Variants in FHIP1A observed in about 807,000 individuals in gnomAD.
The protein encoded by FHIP1A is FHF complex subunit HOOK interacting protein 1A.
Under a neutral mutation model 88.6 loss-of-function variants are expected in FHIP1A, and 61 were observed. The observed-to-expected ratio is 0.69, with a 90% CI of 0.56 to 0.85. The LOEUF (loss-of-function observed/expected upper bound fraction) is 0.85. Among genes scored for constraint, FHIP1A ranks in the 40% least tolerant of loss-of-function variants. The pLI, the probability that FHIP1A is intolerant of heterozygous loss-of-function variation, is 0.00. For missense variants in FHIP1A, 1,154 were observed against 1,273.5 expected, an observed-to-expected ratio of 0.91 and a Z score of 1.43; for synonymous variants, 478 against 496.0, an observed-to-expected ratio of 0.96 and a Z score of 0.48.
intron 3 of FHIP1A, among the ~76,000 whole-genome samples, chr4:151,521,147 TA>T (rs1295108727): frequency 6.6e-6 from 1 of 152,208 alleles, no homozygotes; most frequent in Non-Finnish European, 1.5e-5. Context: ...TGTGTATAAA[TA>T]AAATTATACC....
chr4:151,606,128 A>G (rs1735064808), intron 7 of FHIP1A, among the ~76,000 whole-genome samples: 1 of 152,148 alleles, frequency 6.6e-6, no homozygotes, highest in African/African-American at 2.4e-5. Context: ...ACCATGATTT[A>G]ATTTCATTTC....
intron 3 of FHIP1A, among the ~76,000 whole-genome samples, chr4:151,504,661 G>A (rs985150875): frequency 3.9e-5 from 6 of 152,016 alleles, no homozygotes; most frequent in African/African-American, 1.2e-4. Flanking sequence ...TTGTTCTGTC[G>A]CCCAGGCAGA....
chr4:151,548,049 T>C (rs1732574775), intron 3 of FHIP1A, among the ~76,000 whole-genome samples: 1 of 151,882 alleles, frequency 6.6e-6, no homozygotes, highest in Admixed American at 6.6e-5. Context: ...AAGCTTGGAG[T>C]GGTTTAATGT....
intron 1 of FHIP1A, among the ~76,000 whole-genome samples, chr4:151,409,836 A>G (rs1207510555): frequency 6.6e-6 from 1 of 152,078 alleles, no homozygotes; most frequent in Non-Finnish European, 1.5e-5. Context: ...GGAAAAGGCA[A>G]AGAGATGTGG....
chr4:151,504,912 C>G (rs1237041305), intron 3 of FHIP1A, among the ~76,000 whole-genome samples: 1 of 152,152 alleles, frequency 6.6e-6, no homozygotes, highest in Non-Finnish European at 1.5e-5. Context: ...GCCGCCGCGC[C>G]CAGCCTGGGA....
intron 3 of FHIP1A, among the ~76,000 whole-genome samples, chr4:151,563,925 C>T (rs1050118132): frequency 7.9e-5 from 12 of 152,122 alleles, no homozygotes; most frequent in Admixed American, 7.9e-4. Flanking sequence ...CCCAGGAGTT[C>T]AAGGCTGCAG....
chr4:151,652,094 C>T (rs905292089), intron 11 of FHIP1A, among the ~76,000 whole-genome samples: 3 of 152,022 alleles, frequency 2.0e-5, no homozygotes, highest in African/African-American at 4.8e-5. Context: ...TTTAGAATGG[C>T]AGCTTTCTTA....
intron 7 of FHIP1A, among the ~76,000 whole-genome samples, chr4:151,613,775 G>A (rs1266033313): frequency 6.6e-6 from 1 of 152,154 alleles, no homozygotes; most frequent in East Asian, 1.9e-4. Context: ...AACTGGATCA[G>A]GATAGGGCAT....
At chr4:151,643,601 C>T (rs1736678027) in intron 9 of FHIP1A, among the ~76,000 whole-genome samples, 1 of 152,184 alleles carries the variant, frequency 6.6e-6, no homozygotes, top group South Asian at 2.1e-4. Context: ...TCCCCCTTCC[C>T]TTCCCAGCCT....
At chr4:151,446,348 C>T (rs532682810) in intron 1 of FHIP1A, among the ~76,000 whole-genome samples, 1 of 152,134 alleles carries the variant, frequency 6.6e-6, no homozygotes, top group African/African-American at 2.4e-5. Flanking sequence ...AAATTTTTGC[C>T]ATATCTTTCC....
At chr4:151,497,518 T>C (rs1385879549) in intron 3 of FHIP1A, among the ~76,000 whole-genome samples, 1 of 152,246 alleles carries the variant, frequency 6.6e-6, no homozygotes, top group East Asian at 1.9e-4. Flanking sequence ...TGGCCTCTTA[T>C]AGGAAAAGTT....
chr4:151,488,239 T>TG (rs1201775790), intron 3 of FHIP1A, among the ~76,000 whole-genome samples: 4 of 152,186 alleles, frequency 2.6e-5, no homozygotes, highest in Non-Finnish European at 5.9e-5. Context: ...TATTGTGTGA[T>TG]GCTGAGGTTT....
intron 1 of FHIP1A, among the ~76,000 whole-genome samples, chr4:151,444,375 AAG>A (rs1728516527): frequency 6.6e-6 from 1 of 152,206 alleles, no homozygotes; most frequent in African/African-American, 2.4e-5. Context: ...ATACATATAA[AAG>A]AATATACATA....
chr4:151,553,648 C>T (rs1432110992), intron 3 of FHIP1A, among the ~76,000 whole-genome samples: 3 of 152,120 alleles, frequency 2.0e-5, no homozygotes, highest in African/African-American at 7.2e-5. Flanking sequence ...GGCTGAAATG[C>T]GAAGTTTCTA....
At chr4:151,562,987 C>T (rs1052889646) in intron 3 of FHIP1A, among the ~76,000 whole-genome samples, 2 of 151,910 alleles carry the variant, frequency 1.3e-5, no homozygotes, top group Non-Finnish European at 2.9e-5. Flanking sequence ...TTTGCATCGT[C>T]AAATAAATAT....
chr4:151,606,053 T>G (rs1735061139), intron 7 of FHIP1A, among the ~76,000 whole-genome samples: 1 of 152,234 alleles, frequency 6.6e-6, no homozygotes, highest in African/African-American at 2.4e-5. Context: ...GGTGCTGAGT[T>G]TGCAGGAGGA....
intron 1 of FHIP1A, among the ~76,000 whole-genome samples, chr4:151,445,292 G>C (rs1728552736): frequency 1.3e-5 from 2 of 152,068 alleles, no homozygotes; most frequent in Non-Finnish European, 1.5e-5. Context: ...GGTGGAGTTT[G>C]GGATATGCCA....
chr4:151,486,626 G>T lies in FHIP1A; in HGVS notation c.-123+3978G>T, dbSNP rs1318458055. Among the ~76,000 whole-genome samples the T allele has an allele frequency of 3.9e-5, 6 of 152,046 alleles. No homozygotes were observed. The South Asian group carries it at 8.3e-4, about 21-fold the overall frequency. The stretch of plus-strand genomic sequence containing the variant: ...AAATTTATTTGTAAAATGCAGTTTG[G>T]ATTATTTTTTGCTGAAGTCAGATTA... On this transcript the variant is annotated intron_variant, in intron 3 of 13. Transcript: ENST00000435205.
chr4:151,630,060 T>A (rs140919562), intron 8 of FHIP1A, among the ~76,000 whole-genome samples, 191 bp downstream of exon 8: 93 of 152,276 alleles, frequency 6.1e-4, no homozygotes, highest in Middle Eastern at 3.4e-3. Flanking sequence ...ATGCGTTTTG[T>A]TCTCAGGGAT....
Sources: allele counts gnomAD v4.1 joint callset (sites outside exome capture counted in the v4.1 genomes callset), GRCh38; gene constraint gnomAD v4.1.1; transcripts MANE v1.5; gene names NCBI Gene and HGNC (gene_info 2026-07-23, HGNC 2026-07-21).